The following FOXN1 variants were observed in gnomAD, a reference collection of about 807,000 sequenced individuals.
FOXN1 encodes forkhead box N1.
Under a neutral mutation model 49.0 loss-of-function variants are expected in FOXN1, and 15 were observed. The observed-to-expected ratio is 0.31, with a 90% CI of 0.20 to 0.47. The LOEUF (loss-of-function observed/expected upper bound fraction) is 0.47. Among genes scored for constraint, FOXN1 ranks in the 20% least tolerant of loss-of-function variants. The probability of loss-of-function intolerance (pLI) is 1.00; values close to 1 mark genes in which losing one functional copy is unlikely to be tolerated. For synonymous variants in FOXN1, 356 were observed against 369.0 expected (o/e 0.96, Z 0.40); for missense variants, 800 against 842.8 (o/e 0.95, Z 0.63).
chr17:28,533,786 G>A (rs115510879), intron 6 of FOXN1, among the ~76,000 whole-genome samples: 20 of 152,198 alleles, frequency 1.3e-4, no homozygotes, highest in African/African-American at 3.9e-4. Context: ...TGCACACACC[G>A]CACACACCCA....
intron 5 of FOXN1, among the ~76,000 whole-genome samples, chr17:28,530,227 A>T (rs947468006): frequency 6.6e-6 from 1 of 152,196 alleles, no homozygotes; most frequent in Non-Finnish European, 1.5e-5. Flanking sequence ...AAAAGAAAAA[A>T]ATGTCAGGGT....
At chr17:28,536,494 G>A (rs910930267) in intron 8 of FOXN1, among the ~76,000 whole-genome samples, 5 of 152,226 alleles carry the variant, frequency 3.3e-5, no homozygotes, top group African/African-American at 1.2e-4. Context: ...TGGAACCCAG[G>A]CAGCCAAATC....
chr17:28,517,944 T>C (rs1177442911), intron 1 of FOXN1, among the ~76,000 whole-genome samples: 115 of 99,436 alleles, frequency 1.2e-3, no homozygotes, highest in East Asian at 2.5e-3. Context: ...CAGACCTCCA[T>C]AGGGTACACA....
At position 28,535,003 on chromosome 17, in the gene FOXN1, C is replaced by A; in HGVS notation, c.1432C>A (p.His478Asn). The change falls in exon 8 of 9, where the codon CAC becomes AAC. Residue 478 changes from histidine to asparagine, a missense_variant. By Grantham distance (68) the His-to-Asn change is moderately conservative. Coordinates refer to ENST00000579795, the MANE Select transcript of FOXN1 (RefSeq NM_001369369.1). ...PQPLFPQPDG[H>N]LELRAQPGTP... ...GCCATTGTTCCCACAGCCGGACGGG[C>A]ACCTTGAGCTGCGGGCCCAGCCAGG... 6.2e-7 allele frequency: 1 copy of A among 1,613,950 alleles called. No homozygotes were observed. Among genetic ancestry groups the A allele is most frequent in the Non-Finnish European group, 8.5e-7 (1 of 1,179,932 alleles).
At chr17:28,507,853 C>T (rs1197595893) in intron 1 of FOXN1, among the ~76,000 whole-genome samples, 3 of 152,194 alleles carry the variant, frequency 2.0e-5, no homozygotes, top group African/African-American at 2.4e-5. Flanking sequence ...TATCCTGGTC[C>T]CTTTCTCTTG....
chr17:28,527,654 G>C (rs1215091691), intron 4 of FOXN1, among the ~76,000 whole-genome samples: 1 of 152,172 alleles, frequency 6.6e-6, no homozygotes, highest in Admixed American at 6.5e-5. Context: ...AGCCAGAAAT[G>C]GGGGAAGGAG....
At position 28,534,185 on chromosome 17, in the gene FOXN1, A is replaced by G; in HGVS notation, c.928-146A>G. ...ACCACCAAAGGGTACCAAGCAAGGG[A>G]TGGGTGCTGAGGAGGACAACAAGCC... On this transcript the variant is annotated intron_variant, in intron 6 of 8. Transcript: ENST00000579795. The surrounding 1 kb of genome is among the most constrained non-coding windows in gnomAD (Gnocchi z 4.1). 2 of 1,124,842 alleles carry G rather than the reference A, an allele frequency of 1.8e-6. No individual in the cohort carries two copies. The highest frequency in any genetic ancestry group is 2.6e-5 in the South Asian group (2 of 77,296). The allele number at this position is 1,124,842 out of a possible 1,614,324, so 69.7% of individuals were successfully genotyped here.
chr17:28,512,267 G>T (rs1365949489), intron 1 of FOXN1, among the ~76,000 whole-genome samples: 1 of 152,224 alleles, frequency 6.6e-6, no homozygotes, highest in Non-Finnish European at 1.5e-5. Context: ...GCAGACTGAG[G>T]ATTTCAGGGA....
intron 5 of FOXN1, 75 bp from the exon 6 acceptor site, chr17:28,530,674 C>A: frequency 1.2e-6 from 1 of 824,600 alleles, no homozygotes. Context: ...AGCCTCTCAC[C>A]AGGGGTGGGG....
rs368425372 is a variant in FOXN1 at position 28,534,308 on chromosome 17, C to A, written c.928-23C>A. The A allele has an allele frequency of 1.2e-6, 2 of 1,613,964 alleles. No homozygotes were observed. The highest frequency in any genetic ancestry group is 2.2e-5 in the East Asian group (1 of 44,890). ...TGGCTTCCTGAGCCTGGCCTGAATG[C>A]TTGTCTTGCTCTGTTCCGGCAGACA... On this transcript the variant is annotated intron_variant, in intron 6 of 8. Coordinates refer to ENST00000579795, the MANE Select transcript of FOXN1 (RefSeq NM_001369369.1). The surrounding 1 kb of genome is among the most constrained non-coding windows in gnomAD (Gnocchi z 4.1).
intron 5 of FOXN1, 76 bp downstream of exon 5, chr17:28,529,300 C>A: frequency 6.4e-7 from 1 of 1,561,780 alleles, no homozygotes; most frequent in South Asian, 1.1e-5. Context: ...GCATGGAATC[C>A]TCTGGGTCTA....
intron 3 of FOXN1, 60 bp from the exon 4 acceptor site, chr17:28,527,191 C>T: frequency 8.7e-7 from 1 of 1,153,812 alleles, no homozygotes; most frequent in Non-Finnish European, 1.3e-6. Flanking sequence ...GTTCAAGACA[C>T]AGGAAAGAGG....
chr17:28,535,338 C>A, intron 8 of FOXN1, 140 bp downstream of exon 8: 2 of 882,798 alleles, frequency 2.3e-6, no homozygotes, highest in Non-Finnish European at 3.5e-6. Flanking sequence ...GAGGCTGGAC[C>A]TGGCAGGGGG....
intron 1 of FOXN1, among the ~76,000 whole-genome samples, chr17:28,507,832 G>T (rs1555606356): frequency 6.6e-6 from 1 of 152,200 alleles, no homozygotes; most frequent in Non-Finnish European, 1.5e-5. Flanking sequence ...GGGGGAAGGG[G>T]CAGGGCCTCC....
chr17:28,523,978 G>A lies in FOXN1; in HGVS notation c.9G>A (p.Ser3=), dbSNP rs146390262. MV[S]LPPPQSDVTL... is the part of the protein sequence containing the mutation. The stretch of plus-strand genomic sequence containing the variant: ...GAGGCCAGGACTGGGTGATGGTGTC[G>A]CTACCCCCGCCGCAGTCTGACGTCA... Residue 3 remains serine, a synonymous_variant, in exon 2 of 9, where the codon TCG becomes TCA. Coordinates refer to ENST00000579795, the MANE Select transcript of FOXN1 (RefSeq NM_001369369.1). 780 of 1,612,554 alleles carry A rather than the reference G, an allele frequency of 4.8e-4. 1 individual carries two copies. The African/African-American group carries it at 9.0e-3, about 19-fold the overall frequency.
intron 3 of FOXN1, among the ~76,000 whole-genome samples, chr17:28,525,540 G>A (rs909079785): frequency 6.6e-6 from 1 of 152,158 alleles, no homozygotes; most frequent in Non-Finnish European, 1.5e-5. Flanking sequence ...AAGTCTTAAC[G>A]TCTCTGAGCC....
chr17:28,514,925 G>T (rs565529783), intron 1 of FOXN1, among the ~76,000 whole-genome samples: 2 of 152,286 alleles, frequency 1.3e-5, no homozygotes, highest in South Asian at 4.1e-4. Flanking sequence ...AGGCTGAGGC[G>T]TTACCAAGGT....
chr17:28,535,330 G>T (rs2070034873), intron 8 of FOXN1, 132 bp downstream of exon 8: 1 of 926,532 alleles, frequency 1.1e-6, no homozygotes. Context: ...AAGCAGAGGA[G>T]GCTGGACCTG....
Position 28,524,483 on chromosome 17 carries a change from G to A in FOXN1, c.124-20G>A, listed in dbSNP as rs614434. Reference sequence around the variant, plus strand: ...TGGTTCAGCCTCCACTCACAGGCTCGCTACTCTCTGTCTACCCAGAAGCAT... The same window carrying A: ...TGGTTCAGCCTCCACTCACAGGCTCACTACTCTCTGTCTACCCAGAAGCAT... On this transcript the variant is annotated intron_variant, in intron 2 of 8. Coordinates refer to ENST00000579795, the MANE Select transcript of FOXN1 (RefSeq NM_001369369.1). 0.71 allele frequency: 1,148,797 copies of A among 1,609,314 alleles called. 415,766 individuals carry two copies. Among genetic ancestry groups the A allele is most frequent in the East Asian group, 0.87 (39,178 of 44,830 alleles).
Sources: allele counts gnomAD v4.1 joint callset (sites outside exome capture counted in the v4.1 genomes callset), GRCh38; gene constraint gnomAD v4.1.1; non-coding constraint Gnocchi (gnomAD v3.1); transcripts MANE v1.5; gene names NCBI Gene and HGNC (gene_info 2026-07-23, HGNC 2026-07-21).